The following GOLGA4 variants were observed in gnomAD, a reference collection of about 807,000 sequenced individuals.
The protein encoded by GOLGA4 is golgin A4.
A neutral mutation model predicts 265.9 loss-of-function variants in GOLGA4; 169 were observed. The observed-to-expected ratio is 0.64, with a 90% confidence interval of 0.56 to 0.72. GOLGA4 has a LOEUF of 0.72. Ranked by LOEUF, GOLGA4 falls within the 30% of genes least tolerant of loss-of-function variation. The pLI is 0.00. For synonymous variants in GOLGA4, 923 were observed against 855.8 expected, an observed-to-expected ratio of 1.08 and a Z score of -1.37; for missense variants, 2,482 against 2,483.4, an observed-to-expected ratio of 1.00 and a Z score of 0.01.
At chr3:37,337,881 T>C in intron 19 of GOLGA4, 147 bp downstream of exon 19, 2 of 578,466 alleles carry the variant, frequency 3.5e-6, no homozygotes, top group Non-Finnish European at 6.3e-6. Flanking sequence ...GTACTAGAGG[T>C]TTTCTCTCTA....
At chr3:37,295,634 T>A (rs1408947501) in intron 6 of GOLGA4, among the ~76,000 whole-genome samples, 1 of 152,232 alleles carries the variant, frequency 6.6e-6, no homozygotes, top group Non-Finnish European at 1.5e-5. Context: ...ATTTTGATTA[T>A]TTTCCCCCAC....
Position 37,327,049 on chromosome 3 carries a change from A to G in GOLGA4, c.5163A>G (p.Gln1721=). 6.2e-7 allele frequency: 1 copy of G among 1,613,970 alleles called. No individual in the cohort carries two copies. The highest frequency in any genetic ancestry group is 8.5e-7 in the Non-Finnish European group (1 of 1,179,862). ...SAKNVAAYTE[Q]EEADSQGCVQ... ...AAAATGTGGCAGCATATACTGAACA[A>G]GAAGAAGCAGATTCCCAAGGCTGTG... The change falls in exon 14 of 24, where the codon CAA becomes CAG. Residue 1721 remains glutamine, a synonymous_variant. Coordinates refer to ENST00000361924, the MANE Select transcript of GOLGA4 (RefSeq NM_002078.5).
chr3:37,282,025 G>C lies in GOLGA4; in HGVS notation c.230G>C (p.Arg77Pro), dbSNP rs768808136. ...GTGCCCTCCGTGGAGTCTTTGTTTC[G>C]AAGTCCGATAAAGGAATCTCTATTC... ...LRVPSVESLF[R>P]SPIKESLFRS... Residue 77 changes from arginine (R) to proline (P), a missense_variant, in exon 3 of 24, where the codon CGA becomes CCA. By Grantham distance (103) the Arg-to-Pro change is moderately radical (BLOSUM62 -2). This residue lies in a region of GOLGA4 where 1,536 missense variants were observed against 1,483.7 expected (regional missense o/e 1.04). Transcript: ENST00000361924. The C allele has an allele frequency of 2.5e-6, 4 of 1,614,062 alleles. No homozygotes were observed. In the Admixed American group the frequency reaches 5.0e-5, roughly 20 times the overall value.
intron 16 of GOLGA4, among the ~76,000 whole-genome samples, chr3:37,334,104 T>G (rs1287164792): frequency 6.6e-6 from 1 of 152,182 alleles, no homozygotes; most frequent in Non-Finnish European, 1.5e-5. Context: ...ATTGCAGGGT[T>G]TATAAGAATA....
chr3:37,344,061 C>T (rs1323164983), intron 20 of GOLGA4, among the ~76,000 whole-genome samples: 6 of 152,198 alleles, frequency 3.9e-5, no homozygotes, highest in Non-Finnish European at 7.3e-5. Context: ...TGAGGTACAA[C>T]TCAAACAAGA....
intron 16 of GOLGA4, among the ~76,000 whole-genome samples, chr3:37,333,095 G>T (rs1010981071): frequency 2.6e-5 from 4 of 152,218 alleles, no homozygotes; most frequent in Admixed American, 6.5e-5. Context: ...CACATGGTAG[G>T]CAGGGAAGAA....
intron 1 of GOLGA4, chr3:37,245,338 G>T (rs1174948721): frequency 6.6e-6 from 1 of 152,490 alleles, no homozygotes; most frequent in Non-Finnish European, 1.5e-5. Flanking sequence ...GAAGTAACTT[G>T]CCTAATGTTA....
Position 37,324,343 on chromosome 3 carries a change from A to G in GOLGA4, c.2457A>G (p.Glu819=). ...ATHEQTKAYE[E]QLAQLQQKLL... ...ATGAGCAGACAAAAGCATATGAGGA[A>G]CAGTTGGCCCAATTGCAGCAGAAGT... Residue 819 remains glutamate (E), a synonymous_variant, in exon 14 of 24, where the codon GAA becomes GAG. Coordinates refer to ENST00000361924, the MANE Select transcript of GOLGA4 (RefSeq NM_002078.5). 6.2e-7 allele frequency: 1 copy of G among 1,614,182 alleles called. No individual in the cohort carries two copies. The highest frequency in any genetic ancestry group is 8.5e-7 in the Non-Finnish European group (1 of 1,180,024).
intron 22 of GOLGA4, among the ~76,000 whole-genome samples, chr3:37,358,596 G>A (rs1233188501): frequency 6.6e-6 from 1 of 152,114 alleles, no homozygotes; most frequent in Admixed American, 6.6e-5. Context: ...AATCTTGTTA[G>A]GATTGTCCAG....
At chr3:37,332,263 C>T (rs1294007777) in intron 16 of GOLGA4, among the ~76,000 whole-genome samples, 1 of 152,164 alleles carries the variant, frequency 6.6e-6, no homozygotes, top group African/African-American at 2.4e-5. Flanking sequence ...TTCTGTGTGC[C>T]TAAAGTCACA....
intron 21 of GOLGA4, among the ~76,000 whole-genome samples, chr3:37,352,460 C>A (rs2097077552): frequency 6.6e-6 from 1 of 151,944 alleles, no homozygotes; most frequent in African/African-American, 2.4e-5. Context: ...TGGGTCCTTC[C>A]CACAACACAT....
chr3:37,360,090 G>A (rs1312445178), intron 22 of GOLGA4, among the ~76,000 whole-genome samples: 2 of 152,090 alleles, frequency 1.3e-5, no homozygotes, highest in Admixed American at 6.5e-5. Context: ...ATATCTCCAT[G>A]TTTTCTAAGC....
intron 3 of GOLGA4, among the ~76,000 whole-genome samples, chr3:37,283,707 C>T (rs545113517): frequency 2.0e-5 from 3 of 151,926 alleles, no homozygotes; most frequent in African/African-American, 4.8e-5. Context: ...TGTATTTTTT[C>T]GTAGAGTTGA....
At chr3:37,336,505 A>G (rs2097013240) in intron 17 of GOLGA4, among the ~76,000 whole-genome samples, 1 of 152,074 alleles carries the variant, frequency 6.6e-6, no homozygotes, top group African/African-American at 2.4e-5. Flanking sequence ...TCATGCCTGT[A>G]ATCCCAGCAC....
intron 4 of GOLGA4, among the ~76,000 whole-genome samples, chr3:37,287,083 G>A (rs1411112033): frequency 1.3e-5 from 2 of 152,218 alleles, no homozygotes; most frequent in Non-Finnish European, 2.9e-5. Context: ...GCTCACGCCT[G>A]TAATCCCAGC....
At position 37,291,130 on chromosome 3, in the gene GOLGA4, A is replaced by G. The variant is rs375578137; in HGVS notation, c.582+1839A>G. Among the ~76,000 whole-genome samples, 114 of 152,306 alleles carry G rather than the reference A, an allele frequency of 7.5e-4. 5 individuals carry two copies. In the South Asian group the frequency reaches 0.023, roughly 31 times the overall value. The stretch of plus-strand genomic sequence containing the variant: ...CATGTTTAAAATTCAGAGAGTGCAC[A>G]TTAGAGGTTAGGCATCAGGTTTTAA... On this transcript the variant is annotated intron_variant, in intron 5 of 23. Transcript: ENST00000361924.
chr3:37,272,568 A>G (rs78616193), intron 2 of GOLGA4, among the ~76,000 whole-genome samples: 11,349 of 152,246 alleles, frequency 0.075, 631 homozygotes, highest in Admixed American at 0.14. Context: ...TTTAGCCACA[A>G]TATTATTTAT....
intron 9 of GOLGA4, among the ~76,000 whole-genome samples, chr3:37,301,127 A>G (rs986514309): frequency 6.6e-6 from 1 of 152,230 alleles, no homozygotes; most frequent in Non-Finnish European, 1.5e-5. Flanking sequence ...AGAGGGTGCT[A>G]ATCTTAAGAC....
intron 2 of GOLGA4, among the ~76,000 whole-genome samples, chr3:37,281,574 A>G (rs1438819639): frequency 6.6e-6 from 1 of 152,198 alleles, no homozygotes; most frequent in African/African-American, 2.4e-5. Context: ...ACTGTTACAG[A>G]TGGTGTATGG....
Sources: gnomAD v4.1 joint callset for allele counts (sites outside exome capture counted in the v4.1 genomes callset) on GRCh38, gnomAD v4.1.1 for gene constraint, gnomAD v4.1.1 regional missense constraint, MANE v1.5 for transcripts, NCBI Gene and HGNC (gene_info 2026-07-23, HGNC 2026-07-21) for gene names.